Variants in TMEM255B observed in about 807,000 individuals in gnomAD.
The protein encoded by TMEM255B is transmembrane protein 255B, also known as family with sequence similarity 70, member B.
A neutral mutation model predicts 34.5 loss-of-function variants in TMEM255B; 35 were observed. The ratio of observed to expected loss-of-function variants is 1.01; its 90% CI spans 0.77 to 1.34. TMEM255B has a LOEUF of 1.34. Ranked by LOEUF, TMEM255B falls within the 40% of genes most tolerant of loss-of-function variation. TMEM255B has a pLI of 0.00. For missense variants in TMEM255B, 432 were observed against 433.2 expected, an observed-to-expected ratio of 1.00 and a Z score of 0.02; for synonymous variants, 206 against 201.2, an observed-to-expected ratio of 1.02 and a Z score of -0.20.
At chr13:113,797,147 G>A (rs972777556) in intron 4 of TMEM255B, among the ~76,000 whole-genome samples, 25 of 152,204 alleles carry the variant, frequency 1.6e-4, no homozygotes, top group African/African-American at 5.5e-4. Context: ...GACCTCGGGC[G>A]CCTGTCCATT....
Position 113,801,798 on chromosome 13 carries a change from G to A in TMEM255B, c.655G>A (p.Ala219Thr). The change falls in exon 7 of 9, where the codon GCC (alanine) becomes ACC (threonine). Residue 219 changes from alanine to threonine, a missense_variant. Transcript: ENST00000375353. ...LGIITAAVLG[A>T]FKDMVPLSQL... The stretch of plus-strand genomic sequence containing the variant: ...CATCATCACCGCCGCCGTCCTGGGG[G>A]CCTTCAAGGACATGGTGAGGCCCCT... 1 of 1,608,714 alleles carries A rather than the reference G, an allele frequency of 6.2e-7. No homozygotes were observed. Among genetic ancestry groups the A allele is most frequent in the Non-Finnish European group, 8.5e-7 (1 of 1,177,592 alleles).
Position 113,801,633 on chromosome 13 carries a change from A to G in TMEM255B, c.510-20A>G. 5.1e-6 allele frequency: 8 copies of G among 1,575,276 alleles called. No homozygotes were observed. The highest frequency in any genetic ancestry group is 6.9e-6 in the Non-Finnish European group (8 of 1,155,588). On this transcript the variant is annotated intron_variant, in intron 6 of 8. Transcript: ENST00000375353. Reference sequence around the variant, plus strand: ...GTCACTTGCCTCGTGCGGTGACGCCATGGTGCCCTCTCTGTGCAGCGCAGA... The same window carrying G: ...GTCACTTGCCTCGTGCGGTGACGCCGTGGTGCCCTCTCTGTGCAGCGCAGA...
Position 113,797,171 on chromosome 13 carries a change from C to T in TMEM255B, c.342+1934C>T, listed in dbSNP as rs1001277791. Among the ~76,000 whole-genome samples, 4 of 151,732 alleles carry T rather than the reference C, an allele frequency of 2.6e-5. 1 individual carries two copies. Among genetic ancestry groups the T allele is most frequent in the Admixed American group, 6.6e-5 (1 of 15,244 alleles). On this transcript the variant is annotated intron_variant, in intron 4 of 8. Coordinates refer to ENST00000375353, the MANE Select transcript of TMEM255B (RefSeq NM_182614.4). ...CGCCTGTCCATTCTGGAGGGCCACG[C>T]GGGGCATGCATCTAGGCAAGTGTGG...
intron 3 of TMEM255B, among the ~76,000 whole-genome samples, chr13:113,774,543 TGCCACAC>T (rs1415353204): frequency 1.4e-5 from 2 of 148,106 alleles, no homozygotes; most frequent in African/African-American, 2.5e-5. Context: ...AACACATGCA[TGCCACAC>T]ACCACACACA....
chr13:113,774,306 A>G lies in TMEM255B; in HGVS notation c.252+5146A>G, dbSNP rs190877278. Among the ~76,000 whole-genome samples the G allele has an allele frequency of 1.0e-3, 155 of 152,292 alleles. 2 individuals are homozygous for G. The South Asian group carries it at 0.017, about 16-fold the overall frequency. ...ACATCTGAAGAATGCCCCAAATCACATCAGCTTTAGGTATTTTTCCACTGC... is the reference window on the plus strand; with the variant it reads ...ACATCTGAAGAATGCCCCAAATCACGTCAGCTTTAGGTATTTTTCCACTGC... On this transcript the variant is annotated intron_variant, in intron 3 of 8. Transcript: ENST00000375353.
intron 2 of TMEM255B, 142 bp from the exon 3 acceptor site, chr13:113,768,956 T>G: frequency 3.6e-6 from 3 of 834,212 alleles, no homozygotes; most frequent in Non-Finnish European, 4.1e-6. Context: ...TGCTCAGTGG[T>G]TGAGGTTCTT....
At chr13:113,804,184 T>C (rs1196483765) in intron 7 of TMEM255B, among the ~76,000 whole-genome samples, 1 of 152,196 alleles carries the variant, frequency 6.6e-6, no homozygotes. Flanking sequence ...CTGTAGGGGA[T>C]GAGGCCGGCC....
At chr13:113,797,803 G>T (rs2050968459) in intron 4 of TMEM255B, among the ~76,000 whole-genome samples, 1 of 152,236 alleles carries the variant, frequency 6.6e-6, no homozygotes, top group Non-Finnish European at 1.5e-5. Flanking sequence ...CTAAACGTGG[G>T]CAATGTGACC....
chr13:113,789,339 G>A (rs1197107821), intron 3 of TMEM255B, among the ~76,000 whole-genome samples: 1 of 152,248 alleles, frequency 6.6e-6, no homozygotes, highest in African/African-American at 2.4e-5. Flanking sequence ...TCTCCTGGCA[G>A]TGGCCGTAGA....
At chr13:113,774,966 C>CT (rs2050546330) in intron 3 of TMEM255B, among the ~76,000 whole-genome samples, 1 of 147,644 alleles carries the variant, frequency 6.8e-6, no homozygotes, top group African/African-American at 2.5e-5. Flanking sequence ...CGACACACAC[C>CT]ACACAATGCA....
chr13:113,816,112 G>C lies in TMEM255B; in HGVS notation c.*4209G>C, dbSNP rs1029193819. On this transcript the variant is annotated 3_prime_UTR_variant, in exon 9 of 9. Transcript: ENST00000375353. ...ACGGGTTCTTTTCGGGGAGGCAAGC[G>C]TGTTTGCAGCGTGTTCTGGATGGGG... is the stretch of plus-strand genomic sequence containing the variant. 1 of 167,590 alleles carries C rather than the reference G, an allele frequency of 6.0e-6. No individual in the cohort carries two copies. Among genetic ancestry groups the C allele is most frequent in the Non-Finnish European group, 1.3e-5 (1 of 75,872 alleles). 10.4% of individuals were successfully genotyped at this position (167,590 alleles called of 1,614,324 possible). A position where few individuals can be genotyped will look rare whatever the true frequency, so the allele number is the denominator to read the frequency against.
intron 3 of TMEM255B, among the ~76,000 whole-genome samples, chr13:113,784,816 C>T (rs1380628373): frequency 6.6e-6 from 1 of 151,690 alleles, no homozygotes; most frequent in Non-Finnish European, 1.5e-5. Flanking sequence ...GACGAGCTGC[C>T]ACTGCCCACG....
At chr13:113,792,136 G>C (rs1237868190) in intron 3 of TMEM255B, among the ~76,000 whole-genome samples, 2 of 152,254 alleles carry the variant, frequency 1.3e-5, no homozygotes, top group Non-Finnish European at 2.9e-5. Context: ...GTCTGTGTGT[G>C]TTTTTATGTA....
At chr13:113,782,732 C>T (rs923963936) in intron 3 of TMEM255B, among the ~76,000 whole-genome samples, 4 of 152,038 alleles carry the variant, frequency 2.6e-5, no homozygotes, top group Non-Finnish European at 4.4e-5. Context: ...TGTTGGGAGC[C>T]GTCCATTTTC....
In TMEM255B at chr13:113,761,408, G is replaced by A. The variant is rs925530437; in HGVS notation, c.46+2093G>A. 7 of 981,634 alleles carry A rather than the reference G, an allele frequency of 7.1e-6. No homozygotes were observed. The African/African-American group carries it at 1.1e-4, about 15-fold the overall frequency. 60.8% of individuals were successfully genotyped at this position (981,634 alleles called of 1,614,324 possible). ...AGCTCCTCCAGCTAAGGCTGGGGAAGGAGCCAGGAAGGGGAGAGCAGGTGG... is the reference window on the plus strand; with the variant it reads ...AGCTCCTCCAGCTAAGGCTGGGGAAAGAGCCAGGAAGGGGAGAGCAGGTGG... On this transcript the variant is annotated intron_variant, in intron 1 of 8. Coordinates refer to ENST00000375353, the MANE Select transcript of TMEM255B (RefSeq NM_182614.4).
At position 113,769,289 on chromosome 13, in the gene TMEM255B, G is replaced by A; in HGVS notation, c.252+129G>A. 2.0e-6 allele frequency: 2 copies of A among 1,014,130 alleles called. No individual in the cohort carries two copies. Among genetic ancestry groups the A allele is most frequent in the South Asian group, 1.4e-5 (1 of 72,336 alleles). The allele number at this position is 1,014,130 out of a possible 1,614,324, so 62.8% of individuals were successfully genotyped here. On this transcript the variant is annotated intron_variant, in intron 3 of 8. Coordinates refer to ENST00000375353, the MANE Select transcript of TMEM255B (RefSeq NM_182614.4). The surrounding 1 kb of genome is among the most constrained non-coding windows in gnomAD (Gnocchi z 4.2). ...TGGTGTCTACAGGACCAGCTCTGAGGTTCCCGGGCTGTGGCCTGCACAGTC... is the reference window on the plus strand; with the variant it reads ...TGGTGTCTACAGGACCAGCTCTGAGATTCCCGGGCTGTGGCCTGCACAGTC...
chr13:113,811,179 TGG>T (rs2051292110), intron 8 of TMEM255B, among the ~76,000 whole-genome samples: 1 of 33,094 alleles, frequency 3.0e-5, no homozygotes, highest in African/African-American at 1.2e-4. Flanking sequence ...CCTGGGTCTG[TGG>T]GGTGGGGGCC....
intron 8 of TMEM255B, among the ~76,000 whole-genome samples, chr13:113,810,764 C>T (rs2051282926): frequency 6.6e-6 from 1 of 152,156 alleles, no homozygotes; most frequent in Non-Finnish European, 1.5e-5. Context: ...GCAAGGGTGT[C>T]AATCACACCT....
chr13:113,814,252 C>A lies in TMEM255B; in HGVS notation c.*2349C>A, dbSNP rs1400496363. 1 of 152,282 alleles carries A rather than the reference C, an allele frequency of 6.6e-6. No individual in the cohort carries two copies. Among genetic ancestry groups the A allele is most frequent in the Non-Finnish European group, 1.5e-5 (1 of 68,106 alleles). The allele number at this position is 152,282 out of a possible 1,614,324, so 9.4% of individuals were successfully genotyped here. Reference sequence around the variant, plus strand: ...AGGTCTGGGCAGGGAGTCTATGCCCCCTGGAGCTCTGGCCAGCAAAGTCAC... The same window carrying A: ...AGGTCTGGGCAGGGAGTCTATGCCCACTGGAGCTCTGGCCAGCAAAGTCAC... On this transcript the variant is annotated 3_prime_UTR_variant, in exon 9 of 9. Coordinates refer to ENST00000375353, the MANE Select transcript of TMEM255B (RefSeq NM_182614.4).
Sources: allele counts gnomAD v4.1 joint callset (sites outside exome capture counted in the v4.1 genomes callset), GRCh38; gene constraint gnomAD v4.1.1; non-coding constraint Gnocchi (gnomAD v3.1); transcripts MANE v1.5; gene names NCBI Gene and HGNC (gene_info 2026-07-23, HGNC 2026-07-21).